Variants in CATSPERE observed in about 807,000 individuals in gnomAD.
CATSPERE encodes the protein catsper channel auxiliary subunit epsilon, also known as cation channel sperm-associated auxiliary subunit epsilon.
Under a neutral mutation model 114.1 loss-of-function variants are expected in CATSPERE, and 93 were observed. That is an observed-to-expected ratio of 0.81 (90% CI 0.69 to 0.97). The LOEUF (loss-of-function observed/expected upper bound fraction) is 0.97. Among genes scored for constraint, CATSPERE ranks in the 50% least tolerant of loss-of-function variants. CATSPERE has a pLI of 0.00. For missense variants in CATSPERE, 1,058 were observed against 1,131.6 expected (o/e 0.93, Z 0.93); for synonymous variants, 341 against 384.1 (o/e 0.89, Z 1.31).
rs114468136 is a variant in CATSPERE, at chr1:244,526,350, A to G, written c.536+7652A>G. On this transcript the variant is annotated intron_variant, in intron 8 of 21. Coordinates refer to ENST00000366534, the MANE Select transcript of CATSPERE (RefSeq NM_001130957.2). ...CCCAAGCCCAGGAGTTTGAGGCTGC[A>G]GTAAGCTATGATTGGGCCACTACAC... Among the ~76,000 whole-genome samples the G allele has an allele frequency of 5.5e-3, 831 of 152,206 alleles. 6 individuals are homozygous for G. The highest frequency in any genetic ancestry group is 8.4e-3 in the Non-Finnish European group (571 of 67,996).
At position 244,639,940 on chromosome 1, in the gene CATSPERE, C is replaced by T. The variant is rs1323824185; in HGVS notation, c.2715C>T (p.Tyr905=). Residue 905 remains tyrosine (Y), a synonymous_variant, in exon 22 of 22, where the codon TAC becomes TAT. Transcript: ENST00000366534. ...TFGLIPSPSV[Y]LVASFLFVLM... is the part of the protein sequence containing the mutation. ...TTTCTGATTTCAGTCCAAGTGTCTA[C>T]CTGGTAGCTTCTTTCCTCTTCGTCC... 2.3e-5 allele frequency: 35 copies of T among 1,544,904 alleles called. No homozygotes were observed. Among genetic ancestry groups the T allele is most frequent in the Non-Finnish European group, 2.5e-5 (29 of 1,145,294 alleles).
At position 244,464,347 on chromosome 1, in the gene CATSPERE, T is replaced by G. The variant is rs145336612; in HGVS notation, c.114+391T>G. On this transcript the variant is annotated intron_variant, in intron 2 of 21. Transcript: ENST00000366534. Reference sequence around the variant, plus strand: ...CTATAGACCTCATTCTCTATATTACTTTTCTTATTCAACACTTTCTACTTC... The same window carrying G: ...CTATAGACCTCATTCTCTATATTACGTTTCTTATTCAACACTTTCTACTTC... Among the ~76,000 whole-genome samples, 15 of 152,350 alleles carry G rather than the reference T, an allele frequency of 9.8e-5. No individual in the cohort carries two copies. In the Middle Eastern group the frequency reaches 0.014, roughly 138 times the overall value.
intron 7 of CATSPERE, among the ~76,000 whole-genome samples, chr1:244,512,604 T>C (rs1192019062): frequency 1.3e-5 from 2 of 152,196 alleles, no homozygotes; most frequent in African/African-American, 4.8e-5. Flanking sequence ...CAGAGAATTA[T>C]TGTGTTCCTT....
intron 13 of CATSPERE, among the ~76,000 whole-genome samples, chr1:244,584,318 G>A (rs913539138): frequency 2.0e-5 from 3 of 152,018 alleles, no homozygotes; most frequent in African/African-American, 7.3e-5. Context: ...ATTTTATTAT[G>A]GAAAATGGTA....
At chr1:244,535,032 T>G (rs971049593) in intron 8 of CATSPERE, among the ~76,000 whole-genome samples, 1 of 152,156 alleles carries the variant, frequency 6.6e-6, no homozygotes, top group Non-Finnish European at 1.5e-5. Flanking sequence ...TTGGTGGTCT[T>G]GGAAAAAATC....
chr1:244,483,309 A>G (rs921157615), intron 5 of CATSPERE, among the ~76,000 whole-genome samples: 1 of 152,222 alleles, frequency 6.6e-6, no homozygotes. Context: ...TACTGATTTA[A>G]TGCATATAAA....
intron 13 of CATSPERE, among the ~76,000 whole-genome samples, chr1:244,588,061 G>A (rs1224316988): frequency 6.6e-6 from 1 of 152,070 alleles, no homozygotes; most frequent in Admixed American, 6.6e-5. Flanking sequence ...GGGCGTGGTG[G>A]TGCATGCCTA....
chr1:244,632,083 A>G (rs1011436271), intron 20 of CATSPERE, among the ~76,000 whole-genome samples: 1 of 152,086 alleles, frequency 6.6e-6, no homozygotes, highest in Non-Finnish European at 1.5e-5. Flanking sequence ...ATTAAAAAAC[A>G]AACAAAAAGC....
chr1:244,589,407 T>C (rs1287265493), intron 14 of CATSPERE, among the ~76,000 whole-genome samples: 1 of 152,206 alleles, frequency 6.6e-6, no homozygotes, highest in Non-Finnish European at 1.5e-5. Context: ...TTTCCTAAAT[T>C]TGCATTTCCT....
At chr1:244,632,146 A>AG (rs1247926927) in intron 20 of CATSPERE, among the ~76,000 whole-genome samples, 2 of 152,186 alleles carry the variant, frequency 1.3e-5, no homozygotes, top group Admixed American at 1.3e-4. Flanking sequence ...CTGTAATCCC[A>AG]GCACTTTGGG....
intron 13 of CATSPERE, among the ~76,000 whole-genome samples, chr1:244,588,193 CA>C (rs34464391): frequency 0.77 from 83,378 of 107,588 alleles, 32,085 homozygotes; most frequent in Middle Eastern, 0.89. Context: ...GACTTCATCT[CA>C]AAAAAAAAAA....
At chr1:244,590,259 A>C (rs767298389) in intron 14 of CATSPERE, among the ~76,000 whole-genome samples, 32 of 152,196 alleles carry the variant, frequency 2.1e-4, no homozygotes, top group Non-Finnish European at 2.6e-4. Flanking sequence ...AAATTATGTT[A>C]ATCCTTAAAA....
chr1:244,501,647 G>A (rs565299423), intron 7 of CATSPERE, among the ~76,000 whole-genome samples: 2 of 152,272 alleles, frequency 1.3e-5, no homozygotes, highest in East Asian at 1.9e-4. Context: ...AACACTTTAA[G>A]TATGATATTG....
intron 20 of CATSPERE, among the ~76,000 whole-genome samples, chr1:244,626,224 C>T (rs548987460): frequency 7.0e-4 from 106 of 152,186 alleles, no homozygotes; most frequent in African/African-American, 2.2e-3. Flanking sequence ...TGGTGACTCA[C>T]GCCTGTAATC....
intron 18 of CATSPERE, among the ~76,000 whole-genome samples, chr1:244,606,308 A>G (rs1011855163): frequency 1.3e-5 from 2 of 152,054 alleles, no homozygotes; most frequent in Admixed American, 6.5e-5. Context: ...GCCGCAGCAG[A>G]GTGGTCTTAC....
In CATSPERE at chr1:244,573,653, C is replaced by G. The variant is rs12116998; in HGVS notation, c.1950+881C>G. On this transcript the variant is annotated intron_variant, in intron 11 of 21. Transcript: ENST00000366534. The surrounding 1 kb of genome is among the most constrained non-coding windows in gnomAD (Gnocchi z 4.0). Reference sequence around the variant, plus strand: ...TCTAGTGTTATCCTCCAGACTAGACCTGGCTTCTTCTGTGGCAGTCTCAGG... The same window carrying G: ...TCTAGTGTTATCCTCCAGACTAGACGTGGCTTCTTCTGTGGCAGTCTCAGG... Among the ~76,000 whole-genome samples, 8 of 152,074 alleles carry G rather than the reference C, an allele frequency of 5.3e-5. No individual in the cohort carries two copies. Among genetic ancestry groups the G allele is most frequent in the African/African-American group, 1.9e-4 (8 of 41,398 alleles).
chr1:244,559,988 A>G (rs1274722948), intron 9 of CATSPERE, among the ~76,000 whole-genome samples: 3 of 151,956 alleles, frequency 2.0e-5, no homozygotes, highest in Non-Finnish European at 4.4e-5. Context: ...ACTACCTTTA[A>G]TTTTTATTTA....
At chr1:244,528,114 C>G (rs905681942) in intron 8 of CATSPERE, among the ~76,000 whole-genome samples, 1 of 152,188 alleles carries the variant, frequency 6.6e-6, no homozygotes, top group Non-Finnish European at 1.5e-5. Context: ...TTTCCCCATT[C>G]CCCCCAACCA....
intron 9 of CATSPERE, among the ~76,000 whole-genome samples, chr1:244,556,389 T>C (rs1661579213): frequency 6.6e-6 from 1 of 152,058 alleles, no homozygotes; most frequent in South Asian, 2.1e-4. Flanking sequence ...GAAAATAAAA[T>C]GTATAACTCA....
Sources: gnomAD v4.1 joint callset for allele counts (sites outside exome capture counted in the v4.1 genomes callset) on GRCh38, gnomAD v4.1.1 for gene constraint, Gnocchi (gnomAD v3.1) non-coding constraint, MANE v1.5 for transcripts, NCBI Gene and HGNC (gene_info 2026-07-23, HGNC 2026-07-21) for gene names.